Variants in GLT1D1 observed in about 807,000 individuals in gnomAD.
GLT1D1 encodes glycosyltransferase 1 domain-containing protein 1.
GLT1D1 carries 21 observed loss-of-function variants against 28.7 expected under a neutral mutation model. The observed-to-expected ratio is 0.73, with a 90% confidence interval of 0.52 to 1.05. The LOEUF (loss-of-function observed/expected upper bound fraction) is 1.05. Among genes scored for constraint, GLT1D1 ranks in the 50% least tolerant of loss-of-function variants. The pLI, the probability that GLT1D1 is intolerant of heterozygous loss-of-function variation, is 0.00. For synonymous variants in GLT1D1, 147 were observed against 124.8 expected (o/e 1.18, Z -1.19); for missense variants, 343 against 330.6 (o/e 1.04, Z -0.29).
chr12:128,965,732 A>AAG (rs1555220852), intron 7 of GLT1D1, among the ~76,000 whole-genome samples: 5,535 of 104,082 alleles, frequency 0.053, 219 homozygotes, highest in African/African-American at 0.1. Flanking sequence ...AAAAAAAAAA[A>AAG]AAAGAAAAAG....
intron 1 of GLT1D1, among the ~76,000 whole-genome samples, chr12:128,874,264 G>A (rs1309539963): frequency 1.4e-5 from 2 of 147,796 alleles, no homozygotes; most frequent in South Asian, 2.1e-4. Context: ...TCACTGCAAC[G>A]TTTGCCTCCC....
intron 4 of GLT1D1, among the ~76,000 whole-genome samples, chr12:128,919,446 G>A (rs1447107522): frequency 2.0e-5 from 3 of 152,164 alleles, no homozygotes; most frequent in Non-Finnish European, 2.9e-5. Context: ...TGATGTCCAC[G>A]TGGCGATGCA....
At chr12:128,899,546 GTTTT>G (rs34973787) in intron 4 of GLT1D1, among the ~76,000 whole-genome samples, 1 of 124,618 alleles carries the variant, frequency 8.0e-6, no homozygotes, top group Admixed American at 8.6e-5. Context: ...TTTTGTTGCT[GTTTT>G]TTTTTTTTTT....
rs189137176 is a variant in GLT1D1, at chr12:128,948,260, T to C, written c.540+802T>C. Among the ~76,000 whole-genome samples, 448 of 152,248 alleles carry C rather than the reference T, an allele frequency of 2.9e-3. 1 individual carries two copies. Among genetic ancestry groups the C allele is most frequent in the African/African-American group, 0.01 (416 of 41,546 alleles). ...ATTATCTTCGGTGCTTGATATTAGG[T>C]CCTAGAGAGAATCACCAGCATGTGT... is the stretch of plus-strand genomic sequence containing the variant. On this transcript the variant is annotated intron_variant, in intron 6 of 7. Coordinates refer to ENST00000281703, the MANE Select transcript of GLT1D1 (RefSeq NM_144669.3).
chr12:128,938,856 T>C (rs984470214), intron 4 of GLT1D1, among the ~76,000 whole-genome samples: 1 of 152,178 alleles, frequency 6.6e-6, no homozygotes, highest in Non-Finnish European at 1.5e-5. Context: ...TTTTTCAGTA[T>C]TTTAAAATTC....
At chr12:128,966,215 T>A (rs1245552337) in intron 7 of GLT1D1, among the ~76,000 whole-genome samples, 1 of 152,206 alleles carries the variant, frequency 6.6e-6, no homozygotes, top group Admixed American at 6.5e-5. Context: ...AGAATGCTCC[T>A]GGGAGCCAGG....
intron 4 of GLT1D1, among the ~76,000 whole-genome samples, chr12:128,907,790 T>C (rs1166841948): frequency 2.0e-5 from 3 of 152,184 alleles, no homozygotes; most frequent in African/African-American, 7.2e-5. Context: ...TTCCAGAGCA[T>C]AGATCTTGAG....
At chr12:128,912,102 C>G (rs1871600727) in intron 4 of GLT1D1, among the ~76,000 whole-genome samples, 1 of 152,188 alleles carries the variant, frequency 6.6e-6, no homozygotes, top group Non-Finnish European at 1.5e-5. Context: ...CTGGCATGCT[C>G]TCTGGCTGAA....
intron 3 of GLT1D1, among the ~76,000 whole-genome samples, 182 bp from the exon 4 acceptor site, chr12:128,899,054 C>CT (rs762597252): frequency 3.3e-5 from 5 of 152,078 alleles, no homozygotes; most frequent in Non-Finnish European, 5.9e-5. Context: ...GCATATAAAA[C>CT]TTTTTTTTGA....
At chr12:128,915,755 A>G (rs924929416) in intron 4 of GLT1D1, among the ~76,000 whole-genome samples, 1 of 152,238 alleles carries the variant, frequency 6.6e-6, no homozygotes, top group Non-Finnish European at 1.5e-5. Flanking sequence ...AACAATTTAC[A>G]TGTAAATAAT....
intron 1 of GLT1D1, among the ~76,000 whole-genome samples, chr12:128,867,825 C>T (rs968567254): frequency 7.9e-5 from 12 of 152,100 alleles, no homozygotes; most frequent in African/African-American, 2.7e-4. Flanking sequence ...GAGAAAAGCT[C>T]GGAGGGACTG....
intron 7 of GLT1D1, among the ~76,000 whole-genome samples, chr12:128,969,066 C>T (rs1593203813): frequency 6.6e-6 from 1 of 152,002 alleles, no homozygotes; most frequent in Non-Finnish European, 1.5e-5. Flanking sequence ...CATAGTCACT[C>T]TCTCAGTCTC....
At chr12:128,884,551 A>C (rs1957134758) in intron 2 of GLT1D1, among the ~76,000 whole-genome samples, 1 of 152,218 alleles carries the variant, frequency 6.6e-6, no homozygotes, top group African/African-American at 2.4e-5. Flanking sequence ...ATGGTGGCTC[A>C]TACCTGTAAT....
chr12:128,866,683 C>T (rs550719606), intron 1 of GLT1D1, among the ~76,000 whole-genome samples: 33 of 150,798 alleles, frequency 2.2e-4, no homozygotes, highest in African/African-American at 7.8e-4. Flanking sequence ...TATAGTGGCA[C>T]GATCTTAGCT....
At chr12:128,908,760 T>G (rs184207321) in intron 4 of GLT1D1, among the ~76,000 whole-genome samples, 6 of 152,046 alleles carry the variant, frequency 3.9e-5, no homozygotes, top group African/African-American at 1.4e-4. Context: ...CCATCTTGGC[T>G]AACACGGTGA....
At position 128,947,335 on chromosome 12, in the gene GLT1D1, C is replaced by T. The variant is rs1388659138; in HGVS notation, c.420-3C>T. ...GAGCCACTCTTCCTGCTTTGTGTTT[C>T]AGAGCCGCTGGGGTACGATTGATTG... On this transcript the variant is annotated splice_region_variant and splice_polypyrimidine_tract_variant and intron_variant, in intron 5 of 7. Coordinates refer to ENST00000281703, the MANE Select transcript of GLT1D1 (RefSeq NM_144669.3). 2 of 1,613,850 alleles carry T rather than the reference C, an allele frequency of 1.2e-6. No individual in the cohort carries two copies. The highest frequency in any genetic ancestry group is 1.7e-6 in the Non-Finnish European group (2 of 1,179,918).
At chr12:128,862,808 A>G (rs111778246) in intron 1 of GLT1D1, among the ~76,000 whole-genome samples, 176 of 152,330 alleles carry the variant, frequency 1.2e-3, no homozygotes, top group African/African-American at 3.8e-3. Flanking sequence ...CATCAGCTCG[A>G]TGCTAAGCAT....
intron 7 of GLT1D1, among the ~76,000 whole-genome samples, chr12:128,967,582 G>A (rs1878579585): frequency 6.6e-6 from 1 of 152,210 alleles, no homozygotes; most frequent in African/African-American, 2.4e-5. Flanking sequence ...TGTGCACTAG[G>A]GGAAGCCGTG....
intron 1 of GLT1D1, among the ~76,000 whole-genome samples, chr12:128,858,874 C>T (rs1956291282): frequency 6.6e-6 from 1 of 152,160 alleles, no homozygotes; most frequent in Non-Finnish European, 1.5e-5. Flanking sequence ...TTGAACATTT[C>T]CTTTCTATGG....
Sources: allele counts gnomAD v4.1 joint callset (sites outside exome capture counted in the v4.1 genomes callset), GRCh38; gene constraint gnomAD v4.1.1; transcripts MANE v1.5; gene names NCBI Gene and HGNC (gene_info 2026-07-23, HGNC 2026-07-21).